MYOM3: variants seen among roughly 807,000 people sequenced by gnomAD.
MYOM3 encodes the protein myomesin-3.
MYOM3 carries 155 observed loss-of-function variants against 191.7 expected under a neutral mutation model. The ratio of observed to expected loss-of-function variants is 0.81; its 90% CI spans 0.71 to 0.92. The LOEUF (loss-of-function observed/expected upper bound fraction) is 0.92, where lower values mean the gene tolerates loss of function less well. MYOM3 is among the 40% of genes least tolerant of loss of function. The probability of loss-of-function intolerance (pLI) is 0.00; values close to 1 mark genes in which losing one functional copy is unlikely to be tolerated. For synonymous variants in MYOM3, 757 were observed against 762.9 expected (o/e 0.99, Z 0.13); for missense variants, 1,889 against 1,890.6 (o/e 1.00, Z 0.02).
intron 18 of MYOM3, 153 bp downstream of exon 18, chr1:24,081,848 A>T: frequency 1.3e-6 from 1 of 750,078 alleles, no homozygotes; most frequent in Non-Finnish European, 2.2e-6. Flanking sequence ...AGTTCTGTTC[A>T]AGGTGGGTCT....
intron 5 of MYOM3, 95 bp downstream of exon 5, chr1:24,105,825 G>T: frequency 2.3e-6 from 3 of 1,278,812 alleles, no homozygotes; most frequent in Non-Finnish European, 3.3e-6. Context: ...AGGGTTCACA[G>T]GTCTGCAACA....
chr1:24,080,116 C>T lies in MYOM3; in HGVS notation c.2486G>A (p.Gly829Glu), dbSNP rs778005371. ...GTGATAGCCTGTGACAGGCCCAGCC[C>T]CCATATACAGTGGGGGTTCCCACTG... ...VLQWEPPLYM[G>E]AGPVTGYHVS... Residue 829 changes from glycine (G) to glutamate (E), a missense_variant, in exon 20 of 37, where the codon GGG becomes GAG. By Grantham distance (98) the Gly-to-Glu change is moderately conservative. Transcript: ENST00000374434. 1.9e-6 allele frequency: 3 copies of T among 1,613,990 alleles called. No individual in the cohort carries two copies. The highest frequency in any genetic ancestry group is 2.5e-6 in the Non-Finnish European group (3 of 1,180,004).
At chr1:24,088,136 G>A (rs181699068) in intron 14 of MYOM3, among the ~76,000 whole-genome samples, 76 of 152,274 alleles carry the variant, frequency 5.0e-4, no homozygotes, top group African/African-American at 1.8e-3. Flanking sequence ...AGAGCCCAGG[G>A]TGAGACAGAT....
chr1:24,063,629 G>A lies in MYOM3; in HGVS notation c.3623-99C>T, dbSNP rs977350802. 1 of 1,402,360 alleles carries A rather than the reference G, an allele frequency of 7.1e-7. No homozygotes were observed. The highest frequency in any genetic ancestry group is 1.0e-6 in the Non-Finnish European group (1 of 999,542). The allele number at this position is 1,402,360 out of a possible 1,614,324, so 86.9% of individuals were successfully genotyped here. ...AGAAAAAGGCTGGTGGAGCCCGTGA[G>A]CTGCTCTCAGGGGGACAGGCAACTC... On this transcript the variant is annotated intron_variant, in intron 30 of 36. Coordinates refer to ENST00000374434, the MANE Select transcript of MYOM3 (RefSeq NM_152372.4). The surrounding 1 kb of genome is among the most constrained non-coding windows in gnomAD (Gnocchi z 4.5).
At chr1:24,067,834 G>T in intron 27 of MYOM3, 136 bp downstream of exon 27, 1 of 832,278 alleles carries the variant, frequency 1.2e-6, no homozygotes, top group Non-Finnish European at 2.0e-6. Context: ...TCTGGCACTG[G>T]GACAGAACTG....
At chr1:24,067,229 G>A (rs1643448255) in intron 27 of MYOM3, 141 bp from the exon 28 acceptor site, 1 of 700,030 alleles carries the variant, frequency 1.4e-6, no homozygotes, top group Non-Finnish European at 2.4e-6. Context: ...GCTGGGACTG[G>A]GGTGAGGCAG....
Position 24,075,491 on chromosome 1 carries a change from A to C in MYOM3, c.2702-16T>G. 6.5e-7 allele frequency: 1 copy of C among 1,545,994 alleles called. No individual in the cohort carries two copies. Among genetic ancestry groups the C allele is most frequent in the East Asian group, 2.3e-5 (1 of 43,682 alleles). ...TCATGGGCACCTGAGGGCGAGATCC[A>C]ACAGAGGGCAGCGGATGTTTATGCA... is the stretch of plus-strand genomic sequence containing the variant. On this transcript the variant is annotated splice_polypyrimidine_tract_variant and intron_variant, in intron 21 of 36. Coordinates refer to ENST00000374434, the MANE Select transcript of MYOM3 (RefSeq NM_152372.4).
At chr1:24,067,292 C>CT (rs763866424) in intron 27 of MYOM3, among the ~76,000 whole-genome samples, 1 of 134,592 alleles carries the variant, frequency 7.4e-6, no homozygotes, top group Admixed American at 7.4e-5. Flanking sequence ...TCCTTTCTTT[C>CT]TTTCTTTCTT....
At chr1:24,102,148 A>G (rs1001384616) in intron 5 of MYOM3, among the ~76,000 whole-genome samples, 3 of 152,086 alleles carry the variant, frequency 2.0e-5, no homozygotes, top group Middle Eastern at 3.2e-3. Flanking sequence ...CCTTCCCTGG[A>G]CCTGGCCTCA....
intron 23 of MYOM3, 57 bp from the exon 24 acceptor site, chr1:24,072,070 G>C: frequency 6.4e-7 from 1 of 1,574,456 alleles, no homozygotes; most frequent in Non-Finnish European, 8.7e-7. Context: ...CTGGTCGGGG[G>C]TGGGGGGCCC....
intron 35 of MYOM3, 101 bp from the exon 36 acceptor site, chr1:24,059,080 T>G: frequency 1.3e-6 from 1 of 753,124 alleles, no homozygotes; most frequent in Non-Finnish European, 2.2e-6. Context: ...AGGCTTCTTT[T>G]TTTTCCTTTT....
chr1:24,066,481 T>G (rs901522484), intron 28 of MYOM3: 1 of 525,072 alleles, frequency 1.9e-6, no homozygotes, highest in African/African-American at 1.9e-5. Flanking sequence ...CACCCTCCCC[T>G]TCCCCAGTTA....
intron 1 of MYOM3, among the ~76,000 whole-genome samples, chr1:24,110,208 G>A (rs1186540414): frequency 6.6e-6 from 1 of 152,320 alleles, no homozygotes; most frequent in East Asian, 1.9e-4. Flanking sequence ...GGCATGGGAG[G>A]GTTCCTGCCC....
At chr1:24,071,868 G>A (rs1358288467) in intron 24 of MYOM3, 101 bp downstream of exon 24, 8 of 1,205,704 alleles carry the variant, frequency 6.6e-6, no homozygotes, top group South Asian at 1.2e-5. Context: ...TGTCCCTCTG[G>A]GGTTGTTTCC....
chr1:24,058,686 A>G (rs1354570887), intron 36 of MYOM3, among the ~76,000 whole-genome samples: 1 of 152,194 alleles, frequency 6.6e-6, no homozygotes, highest in Non-Finnish European at 1.5e-5. Flanking sequence ...CCGCAGGTAG[A>G]AGTCTAGGAT....
chr1:24,093,015 C>T lies in MYOM3; in HGVS notation c.1022G>A (p.Gly341Glu), dbSNP rs1007223265. 3.1e-6 allele frequency: 5 copies of T among 1,612,636 alleles called. No individual in the cohort carries two copies. The highest frequency in any genetic ancestry group is 1.6e-4 in the Middle Eastern group (1 of 6,084). Residue 341 changes from glycine to glutamate, a missense_variant, in exon 10 of 37, where the codon GGG (glycine) becomes GAG (glutamate). Coordinates refer to ENST00000374434, the MANE Select transcript of MYOM3 (RefSeq NM_152372.4). ...CGAGGGCACCCGGACCATGTAGAGC[C>T]CCTCGTCCTCCTTGTAGGTGCAGGA... Reference protein sequence around the residue: ...KVSCTYKEDEGLYMVRVPSPF... With the variant: ...KVSCTYKEDEELYMVRVPSPF...
Position 24,086,683 on chromosome 1 carries a change from A to T in MYOM3, c.1759T>A (p.Ser587Thr). ...AMNQYGLSDP[S>T]EPSEPIALRG... ...AAGGCGATGGGTTCGCTGGGCTCCG[A>T]GGGATCGCTCAGGCCATACTGGTTC... The change falls in exon 15 of 37, where the codon TCG (serine) becomes ACG (threonine). Residue 587 changes from serine (S) to threonine (T), a missense_variant. Ser to Thr is a moderately conservative substitution (Grantham distance 58, BLOSUM62 1). Coordinates refer to ENST00000374434, the MANE Select transcript of MYOM3 (RefSeq NM_152372.4). 1 of 1,614,040 alleles carries T rather than the reference A, an allele frequency of 6.2e-7. No homozygotes were observed. The highest frequency in any genetic ancestry group is 1.1e-5 in the South Asian group (1 of 91,064).
At chr1:24,073,161 G>A (rs1173288593) in intron 23 of MYOM3, among the ~76,000 whole-genome samples, 1 of 152,190 alleles carries the variant, frequency 6.6e-6, no homozygotes, top group South Asian at 2.1e-4. Context: ...TACGGGTGAG[G>A]AAACTGAGGC....
rs908526701 is a variant in MYOM3, at chr1:24,111,730, G to A, written c.-19+301C>T. Among the ~76,000 whole-genome samples, 19 of 151,552 alleles carry A rather than the reference G, an allele frequency of 1.3e-4. No homozygotes were observed. The highest frequency in any genetic ancestry group is 7.9e-4 in the Admixed American group (12 of 15,230). On this transcript the variant is annotated intron_variant, in intron 1 of 36. Transcript: ENST00000374434. The surrounding 1 kb of genome is among the most constrained non-coding windows in gnomAD (Gnocchi z 4.7). ...CACAGGAAAGACTCCAGTTCCCAGGGCAGCCCCCACTCTTTTTTTTTTTTT... is the reference window on the plus strand; with the variant it reads ...CACAGGAAAGACTCCAGTTCCCAGGACAGCCCCCACTCTTTTTTTTTTTTT...
Sources: gnomAD v4.1 joint callset for allele counts (sites outside exome capture counted in the v4.1 genomes callset) on GRCh38, gnomAD v4.1.1 for gene constraint, Gnocchi (gnomAD v3.1) non-coding constraint, MANE v1.5 for transcripts, NCBI Gene and HGNC (gene_info 2026-07-23, HGNC 2026-07-21) for gene names.